ERBB4: variants seen among roughly 807,000 people sequenced by gnomAD.
ERBB4 encodes erb-b2 receptor tyrosine kinase 4.
Under a neutral mutation model 158.0 loss-of-function variants are expected in ERBB4, and 42 were observed. The observed-to-expected ratio is 0.27, with a 90% CI of 0.21 to 0.34. The LOEUF is 0.34. ERBB4 is among the 10% of genes least tolerant of loss of function. The pLI is 1.00. For synonymous variants in ERBB4, 583 were observed against 558.7 expected (o/e 1.04, Z -0.61); for missense variants, 1,333 against 1,624.1 (o/e 0.82, Z 3.08).
At position 211,591,464 on chromosome 2, in the gene ERBB4, G is replaced by T. The variant is rs185195479; in HGVS notation, c.2301+27713C>A. Among the ~76,000 whole-genome samples, 17 of 152,202 alleles carry T rather than the reference G, an allele frequency of 1.1e-4. No individual in the cohort carries two copies. In the East Asian group the frequency reaches 3.3e-3, roughly 29 times the overall value. The stretch of plus-strand genomic sequence containing the variant: ...GGGCTTTCCATACCACTATACTGTT[G>T]CATGGAATGTTGCCCTTCTCTCAGT... On this transcript the variant is annotated intron_variant, in intron 19 of 27. Transcript: ENST00000342788.
At position 212,138,299 on chromosome 2, in the gene ERBB4, A is replaced by C. The variant is rs111352998; in HGVS notation, c.83-13396T>G. On this transcript the variant is annotated intron_variant, in intron 1 of 27. Transcript: ENST00000342788. ...ACTTGTGAGAAGAAATTTCCTGGGC[A>C]TAACAGTAGTCAATGATGTTACCGA... Among the ~76,000 whole-genome samples, 1,056 of 152,298 alleles carry C rather than the reference A, an allele frequency of 6.9e-3. 7 individuals are homozygous for C. The highest frequency in any genetic ancestry group is 0.024 in the Middle Eastern group (7 of 294).
chr2:211,620,694 A>G (rs1353850948), intron 18 of ERBB4, among the ~76,000 whole-genome samples: 1 of 152,192 alleles, frequency 6.6e-6, no homozygotes, highest in African/African-American at 2.4e-5. Flanking sequence ...CAAAGGCTTC[A>G]TTTTCTCACT....
intron 3 of ERBB4, among the ~76,000 whole-genome samples, chr2:211,869,098 A>AT (rs74959068): frequency 0.26 from 38,830 of 152,030 alleles, 5,986 homozygotes; most frequent in East Asian, 0.48. Flanking sequence ...TGTCCCAACA[A>AT]TTTTTTCACT....
chr2:211,734,706 G>A (rs1262377077), intron 5 of ERBB4, among the ~76,000 whole-genome samples: 1 of 149,782 alleles, frequency 6.7e-6, no homozygotes, highest in Non-Finnish European at 1.5e-5. Context: ...GGATCATGAG[G>A]TCAGGAGATC....
At chr2:212,341,499 A>G (rs1435420338) in intron 1 of ERBB4, among the ~76,000 whole-genome samples, 1 of 152,136 alleles carries the variant, frequency 6.6e-6, no homozygotes, top group Admixed American at 6.5e-5. Context: ...AACAAATTTC[A>G]GTCCATGGGT....
chr2:212,119,046 T>C (rs2079659957), intron 2 of ERBB4, among the ~76,000 whole-genome samples: 1 of 152,024 alleles, frequency 6.6e-6, no homozygotes, highest in Non-Finnish European at 1.5e-5. Context: ...GATTAAAATT[T>C]AAGGTTTCTA....
At chr2:211,536,317 T>C (rs1451826994) in intron 20 of ERBB4, among the ~76,000 whole-genome samples, 1 of 152,092 alleles carries the variant, frequency 6.6e-6, no homozygotes, top group African/African-American at 2.4e-5. Flanking sequence ...GCAAGTGTAG[T>C]GTAATCTATT....
intron 1 of ERBB4, among the ~76,000 whole-genome samples, chr2:212,214,780 T>C (rs1359958668): frequency 6.6e-6 from 1 of 151,680 alleles, no homozygotes; most frequent in Middle Eastern, 3.2e-3. Flanking sequence ...ATATTCTATA[T>C]GTGGGCGCCA....
intron 1 of ERBB4, among the ~76,000 whole-genome samples, chr2:212,344,929 G>C (rs921441239): frequency 1.1e-4 from 16 of 152,020 alleles, no homozygotes; most frequent in African/African-American, 3.6e-4. Flanking sequence ...ATCTCTCATA[G>C]GGTTGTTGCA....
At chr2:211,466,382 C>G (rs937353076) in intron 20 of ERBB4, among the ~76,000 whole-genome samples, 1 of 146,286 alleles carries the variant, frequency 6.8e-6, no homozygotes, top group African/African-American at 2.5e-5. Flanking sequence ...TCAATGATGC[C>G]ATGAAATATG....
In ERBB4 at chr2:211,381,053, G is replaced by A. The variant is rs1471400155; in HGVS notation, c.*2562C>T. 1 of 232,192 alleles carries A rather than the reference G, an allele frequency of 4.3e-6. No individual in the cohort carries two copies. The highest frequency in any genetic ancestry group is 8.5e-6 in the Non-Finnish European group (1 of 117,480). 14.4% of individuals were successfully genotyped at this position (232,192 alleles called of 1,614,324 possible). On this transcript the variant is annotated 3_prime_UTR_variant, in exon 28 of 28. Transcript: ENST00000342788. ...TTCAATTTTTCATAAGTACTGATAT[G>A]AGATCCCTTTTCCTAGAGACTTCTC... is the stretch of plus-strand genomic sequence containing the variant.
At chr2:212,306,554 T>C (rs750994188) in intron 1 of ERBB4, among the ~76,000 whole-genome samples, 1 of 151,426 alleles carries the variant, frequency 6.6e-6, no homozygotes, top group African/African-American at 2.4e-5. Flanking sequence ...GTCATGTTAA[T>C]AGTGAAATAA....
chr2:212,442,454 C>G (rs1434291618), intron 1 of ERBB4, among the ~76,000 whole-genome samples: 2 of 152,100 alleles, frequency 1.3e-5, no homozygotes, highest in Non-Finnish European at 2.9e-5. Context: ...GGTAACTGTG[C>G]ACAGGGGAAA....
chr2:212,015,156 C>T (rs1266980194), intron 2 of ERBB4, among the ~76,000 whole-genome samples: 1 of 142,078 alleles, frequency 7.0e-6, no homozygotes. Context: ...GTCCCAGCTA[C>T]TCGGGAGGCT....
intron 3 of ERBB4, among the ~76,000 whole-genome samples, chr2:211,934,935 A>AAAAAAAAAAAAAAAAAC (rs1243387178): frequency 1.3e-5 from 2 of 149,830 alleles, no homozygotes; most frequent in Non-Finnish European, 3.0e-5. Context: ...CTAAAAAAAA[A>AAAAAAAAAAAAAAAAAC]AAAAAACTGC....
At chr2:211,676,544 A>G (rs943246625) in intron 13 of ERBB4, among the ~76,000 whole-genome samples, 3 of 151,898 alleles carry the variant, frequency 2.0e-5, no homozygotes, top group Non-Finnish European at 4.4e-5. Flanking sequence ...AATATTAAAT[A>G]AAAACAATGG....
At chr2:211,594,689 C>T (rs1007242429) in intron 19 of ERBB4, among the ~76,000 whole-genome samples, 1 of 152,008 alleles carries the variant, frequency 6.6e-6, no homozygotes, top group African/African-American at 2.4e-5. Context: ...AGAGTAGTAA[C>T]CAAGATGGAC....
intron 25 of ERBB4, among the ~76,000 whole-genome samples, chr2:211,390,737 T>C (rs1412573874): frequency 6.6e-6 from 1 of 152,178 alleles, no homozygotes; most frequent in Non-Finnish European, 1.5e-5. Flanking sequence ...TGACAAGTCT[T>C]TCAGTCAGCA....
chr2:212,431,316 A>AAC (rs1323465315), intron 1 of ERBB4, among the ~76,000 whole-genome samples: 1 of 150,982 alleles, frequency 6.6e-6, no homozygotes, highest in Middle Eastern at 3.2e-3. Context: ...TAAAAAAAAA[A>AAC]AAAAAAAAAA....
Sources: gnomAD v4.1 joint callset for allele counts (sites outside exome capture counted in the v4.1 genomes callset) on GRCh38, gnomAD v4.1.1 for gene constraint, MANE v1.5 for transcripts, NCBI Gene and HGNC (gene_info 2026-07-23, HGNC 2026-07-21) for gene names.